The following RREB1 variants were observed in gnomAD, a reference collection of about 807,000 sequenced individuals.
RREB1 encodes the protein ras-responsive element-binding protein 1.
RREB1 carries 27 observed loss-of-function variants against 117.8 expected under a neutral mutation model. The ratio of observed to expected loss-of-function variants is 0.23; its 90% CI spans 0.17 to 0.32. The LOEUF (loss-of-function observed/expected upper bound fraction) is 0.32, where lower values mean the gene tolerates loss of function less well. RREB1 is among the 10% of genes least tolerant of loss of function. The probability of loss-of-function intolerance (pLI) is 1.00; values close to 1 mark genes in which losing one functional copy is unlikely to be tolerated. For missense variants in RREB1, 2,577 were observed against 2,378.2 expected, an observed-to-expected ratio of 1.08 and a Z score of -1.74; for synonymous variants, 1,298 against 1,026.7, an observed-to-expected ratio of 1.26 and a Z score of -5.05.
At chr6:7,128,753 G>A (rs1459656019) in intron 1 of RREB1, among the ~76,000 whole-genome samples, 1 of 152,192 alleles carries the variant, frequency 6.6e-6, no homozygotes, top group East Asian at 1.9e-4. Flanking sequence ...CAGATCACCT[G>A]AGTTCAGGAG....
chr6:7,208,973 T>C (rs1157588689), intron 6 of RREB1, among the ~76,000 whole-genome samples: 2 of 152,170 alleles, frequency 1.3e-5, no homozygotes, highest in Non-Finnish European at 2.9e-5. Flanking sequence ...TATGGGCAGG[T>C]TGGCCTCCCT....
At chr6:7,135,330 T>C (rs1257046999) in intron 1 of RREB1, among the ~76,000 whole-genome samples, 1 of 152,204 alleles carries the variant, frequency 6.6e-6, no homozygotes, top group Non-Finnish European at 1.5e-5. Flanking sequence ...TATTGGAAAG[T>C]ACCATATAAA....
intron 9 of RREB1, among the ~76,000 whole-genome samples, chr6:7,227,529 A>G (rs138547995): frequency 1.3e-5 from 2 of 150,168 alleles, no homozygotes; most frequent in African/African-American, 5.0e-5. Flanking sequence ...CAACAGAGCG[A>G]GACTCCGTCT....
intron 1 of RREB1, among the ~76,000 whole-genome samples, chr6:7,141,880 T>C (rs1190131150): frequency 6.6e-6 from 1 of 152,204 alleles, no homozygotes; most frequent in East Asian, 1.9e-4. Context: ...GAGGGCTGGA[T>C]AATTGCCTCT....
At chr6:7,195,919 C>T (rs1413505939) in intron 6 of RREB1, among the ~76,000 whole-genome samples, 4 of 152,224 alleles carry the variant, frequency 2.6e-5, no homozygotes, top group Admixed American at 2.6e-4. Context: ...TGGGTGGGCC[C>T]TCTGCTGCGG....
chr6:7,194,009 T>C (rs1260362965), intron 6 of RREB1, among the ~76,000 whole-genome samples: 6 of 152,246 alleles, frequency 3.9e-5, no homozygotes, highest in African/African-American at 9.6e-5. Context: ...TGTGCTGTTA[T>C]AGAACGTTAT....
chr6:7,211,345 T>TGGATGGAC (rs1554124740), intron 7 of RREB1, among the ~76,000 whole-genome samples: 5 of 140,174 alleles, frequency 3.6e-5, no homozygotes, highest in Non-Finnish European at 7.5e-5. Flanking sequence ...GACAGATGGA[T>TGGATGGAC]GGATGGATGG....
intron 11 of RREB1, among the ~76,000 whole-genome samples, chr6:7,242,093 A>G (rs1768740367): frequency 1.3e-5 from 2 of 152,370 alleles, no homozygotes; most frequent in South Asian, 4.1e-4. Flanking sequence ...TGATCTTCCC[A>G]TAGTGGTTCC....
At chr6:7,163,489 T>G (rs746900278) in intron 1 of RREB1, among the ~76,000 whole-genome samples, 1 of 152,172 alleles carries the variant, frequency 6.6e-6, no homozygotes, top group Non-Finnish European at 1.5e-5. Flanking sequence ...CCTCCTGGGT[T>G]CACACCATTC....
chr6:7,147,167 C>T (rs1762906616), intron 1 of RREB1, among the ~76,000 whole-genome samples: 1 of 152,218 alleles, frequency 6.6e-6, no homozygotes, highest in African/African-American at 2.4e-5. Context: ...GCTTCACCTT[C>T]AGACTGCCAG....
intron 5 of RREB1, among the ~76,000 whole-genome samples, chr6:7,188,472 C>T (rs1308567131): frequency 1.3e-5 from 2 of 152,016 alleles, no homozygotes; most frequent in African/African-American, 2.4e-5. Context: ...TTAGTATAAA[C>T]GTACATAACA....
chr6:7,130,473 G>A (rs971882014), intron 1 of RREB1, among the ~76,000 whole-genome samples: 1 of 152,132 alleles, frequency 6.6e-6, no homozygotes. Flanking sequence ...TCTGCTGGGA[G>A]TCTCTGCCTG....
Position 7,137,463 on chromosome 6 carries a change from C to G in RREB1, c.-285+29403C>G, listed in dbSNP as rs1314113460. 5.8e-4 allele frequency among the ~76,000 whole-genome samples: 89 copies of G among 152,184 alleles called. 1 individual carries two copies. Among genetic ancestry groups the G allele is most frequent in the Non-Finnish European group, 4.4e-5 (3 of 68,036 alleles). On this transcript the variant is annotated intron_variant, in intron 1 of 12. Coordinates refer to ENST00000379938, the MANE Select transcript of RREB1 (RefSeq NM_001003699.4). ...TCAGATGTTTACATGCAGGAAGTGC[C>G]TTTGATAAAGTATGGTTTGCTAACA...
At chr6:7,130,045 C>G (rs928877706) in intron 1 of RREB1, among the ~76,000 whole-genome samples, 5 of 152,162 alleles carry the variant, frequency 3.3e-5, no homozygotes, top group African/African-American at 4.8e-5. Context: ...GGCACTTGAG[C>G]CCACTCTACT....
At chr6:7,139,719 TG>T (rs1378410407) in intron 1 of RREB1, among the ~76,000 whole-genome samples, 2 of 152,214 alleles carry the variant, frequency 1.3e-5, no homozygotes, top group African/African-American at 4.8e-5. Context: ...CAGGTATATT[TG>T]TGTTCAAAAT....
chr6:7,224,697 C>A (rs1767481481), intron 8 of RREB1, among the ~76,000 whole-genome samples: 1 of 152,154 alleles, frequency 6.6e-6, no homozygotes, highest in Non-Finnish European at 1.5e-5. Flanking sequence ...GTCTCATGGC[C>A]TGTGATTTAG....
intron 1 of RREB1, among the ~76,000 whole-genome samples, chr6:7,147,649 C>G (rs1323126047): frequency 5.3e-5 from 8 of 152,198 alleles, no homozygotes; most frequent in Non-Finnish European, 1.2e-4. Context: ...CTGCCTCCAT[C>G]AAGCTTCTTT....
intron 4 of RREB1, among the ~76,000 whole-genome samples, chr6:7,186,740 GC>G (rs1765101411): frequency 6.6e-6 from 1 of 152,190 alleles, no homozygotes; most frequent in African/African-American, 2.4e-5. Flanking sequence ...CATAAAAGGA[GC>G]CCCCTCACCA....
At chr6:7,206,276 G>A (rs1216974325) in intron 6 of RREB1, among the ~76,000 whole-genome samples, 1 of 152,136 alleles carries the variant, frequency 6.6e-6, no homozygotes, top group Non-Finnish European at 1.5e-5. Context: ...GAGTGTTTTC[G>A]ATTGAAGTCC....
Sources: allele counts gnomAD v4.1 joint callset (sites outside exome capture counted in the v4.1 genomes callset), GRCh38; gene constraint gnomAD v4.1.1; transcripts MANE v1.5; gene names NCBI Gene and HGNC (gene_info 2026-07-23, HGNC 2026-07-21).